SLC36A1: variants seen among roughly 807,000 people sequenced by gnomAD.
SLC36A1 encodes solute carrier family 36 member 1.
Under a neutral mutation model 47.5 loss-of-function variants are expected in SLC36A1, and 30 were observed. The observed-to-expected ratio is 0.63, with a 90% CI of 0.47 to 0.86. The LOEUF (loss-of-function observed/expected upper bound fraction) is 0.86, where lower values mean the gene tolerates loss of function less well. Among genes scored for constraint, SLC36A1 ranks in the 40% least tolerant of loss-of-function variants. The probability of loss-of-function intolerance (pLI) is 0.00; values close to 1 mark genes in which losing one functional copy is unlikely to be tolerated. For synonymous variants in SLC36A1, 255 were observed against 249.7 expected (o/e 1.02, Z -0.20); for missense variants, 517 against 606.0 (o/e 0.85, Z 1.54).
rs200439772 is a variant in SLC36A1, at chr5:151,458,867, G to T, written c.75G>T (p.Pro25=). ...SSTDVSPEES[P]SEGLNNLSSP... ...CGGACGTGAGCCCTGAGGAGAGCCC[G>T]TCGGAAGGCCTCAACAACCTCTCCT... The change falls in exon 2 of 11, where the codon CCG becomes CCT. Residue 25 remains proline, a synonymous_variant. Transcript: ENST00000243389. 2.5e-5 allele frequency: 40 copies of T among 1,614,060 alleles called. No individual in the cohort carries two copies. The East Asian group carries it at 8.5e-4, about 34-fold the overall frequency.
upstream of SLC36A1, among the ~76,000 whole-genome samples, chr5:151,443,464 T>C (rs1026705038): frequency 1.9e-4 from 29 of 152,232 alleles, no homozygotes; most frequent in African/African-American, 6.8e-4. Flanking sequence ...CATTTTTATT[T>C]CTTCTTTGGA....
the SLC36A1 span, among the ~76,000 whole-genome samples, chr5:151,407,027 C>T: frequency 6.9e-3 from 1,051 of 151,764 alleles, 11 homozygotes; most frequent in African/African-American, 0.024. Context: ...TTAAAGGTGG[C>T]GCGTCCAGAG....
At chr5:151,530,561 G>T in the SLC36A1 span, among the ~76,000 whole-genome samples, 1 of 152,204 alleles carries the variant, frequency 6.6e-6, no homozygotes, top group Admixed American at 6.5e-5. Context: ...TTAAAATCTT[G>T]CATATCAACC....
At position 151,458,827 on chromosome 5, in the gene SLC36A1, A is replaced by T. The variant is rs776161656; in HGVS notation, c.35A>T (p.His12Leu). ...CAGAGACTTCGGAATGAAGACTACCACGACTACAGCTCCACGGACGTGAGC... is the reference window on the plus strand; with the variant it reads ...CAGAGACTTCGGAATGAAGACTACCTCGACTACAGCTCCACGGACGTGAGC... The part of the protein sequence containing the change: ...STQRLRNEDY[H>L]DYSSTDVSPE... Residue 12 changes from histidine to leucine, a missense_variant, in exon 2 of 11, where the codon CAC becomes CTC. By Grantham distance (99) the His-to-Leu change is moderately conservative (BLOSUM62 -3). Transcript: ENST00000243389. 1 of 1,614,086 alleles carries T rather than the reference A, an allele frequency of 6.2e-7. No individual in the cohort carries two copies. The highest frequency in any genetic ancestry group is 8.5e-7 in the Non-Finnish European group (1 of 1,179,976).
the SLC36A1 span, among the ~76,000 whole-genome samples, chr5:151,417,525 C>G: frequency 6.6e-6 from 1 of 152,118 alleles, no homozygotes; most frequent in Non-Finnish European, 1.5e-5. Flanking sequence ...CATTTTGCCC[C>G]CAACCTAGAG....
rs576564293 is a variant in SLC36A1 at position 151,480,140 on chromosome 5, T to C, written c.1159+651T>C. The C allele has an allele frequency of 4.3e-5, 61 of 1,421,300 alleles. No homozygotes were observed. In the African/African-American group the frequency reaches 7.5e-4, roughly 18 times the overall value. 88.0% of individuals were successfully genotyped at this position (1,421,300 alleles called of 1,614,324 possible). ...TTTAGAAAATAAAAGTAAATTTTTT[T>C]TGTAGCTTCTGTGAGTTGGTAGACT... On this transcript the variant is annotated intron_variant, in intron 10 of 10. Coordinates refer to ENST00000243389, the MANE Select transcript of SLC36A1 (RefSeq NM_078483.4).
At chr5:151,526,217 C>T in the SLC36A1 span, among the ~76,000 whole-genome samples, 1 of 152,106 alleles carries the variant, frequency 6.6e-6, no homozygotes, top group African/African-American at 2.4e-5. Flanking sequence ...CAGGAAGGAT[C>T]CTTAGAGAAC....
chr5:151,531,854 G>T, the SLC36A1 span: 1 of 1,614,140 alleles, frequency 6.2e-7, no homozygotes, highest in Non-Finnish European at 8.5e-7. This position sits in a 1 kb window ranked among gnomAD's most constrained non-coding sequence, Gnocchi z 5.7. Flanking sequence ...AGCTCCAGTG[G>T]TGCCTGGGGC....
chr5:151,477,857 T>A (rs961424844), intron 9 of SLC36A1, among the ~76,000 whole-genome samples: 1 of 152,188 alleles, frequency 6.6e-6, no homozygotes, highest in Non-Finnish European at 1.5e-5. Flanking sequence ...GCAGCCCACA[T>A]GATCCGAAGC....
chr5:151,431,177 C>T, the SLC36A1 span: 1 of 152,148 alleles, frequency 6.6e-6, no homozygotes, highest in African/African-American at 2.4e-5. Flanking sequence ...TACAGGAGAG[C>T]ACAGATTTAG....
At chr5:151,487,598 T>C (rs1759743380) in intron 10 of SLC36A1, among the ~76,000 whole-genome samples, 1 of 152,204 alleles carries the variant, frequency 6.6e-6, no homozygotes, top group Admixed American at 6.5e-5. Flanking sequence ...GGTAAGAAAA[T>C]GAGCAGCTGC....
the SLC36A1 span, among the ~76,000 whole-genome samples, chr5:151,348,557 C>G: frequency 2.0e-5 from 3 of 152,264 alleles, no homozygotes; most frequent in Admixed American, 1.3e-4. Context: ...TTTGTCAGGC[C>G]CCTCCCTTAC....
At chr5:151,382,242 A>T in the SLC36A1 span, 1 of 1,328,470 alleles carries the variant, frequency 7.5e-7, no homozygotes, top group South Asian at 1.2e-5. Context: ...ACTCATCGAG[A>T]CTCACTACCA....
chr5:151,413,352 TATG>T, the SLC36A1 span, among the ~76,000 whole-genome samples: 1,327 of 152,146 alleles, frequency 8.7e-3, 12 homozygotes, highest in Admixed American at 0.012. Context: ...TTGTATTGTT[TATG>T]ATATCAATAA....
At chr5:151,386,345 A>G in the SLC36A1 span, among the ~76,000 whole-genome samples, 1 of 151,950 alleles carries the variant, frequency 6.6e-6, no homozygotes, top group Non-Finnish European at 1.5e-5. Flanking sequence ...ACAAACTTTA[A>G]TTTGAACTTA....
the SLC36A1 span, chr5:151,504,736 T>C: frequency 1.3e-5 from 2 of 152,658 alleles, no homozygotes; most frequent in Non-Finnish European, 2.9e-5. Context: ...CAAAAGTGCC[T>C]GGGAAACTTG....
At chr5:151,554,506 C>T in the SLC36A1 span, 2 of 1,614,198 alleles carry the variant, frequency 1.2e-6, no homozygotes, top group Non-Finnish European at 1.7e-6. Flanking sequence ...GGTCTGAAGC[C>T]ACCAGCCTGT....
chr5:151,516,480 C>T, the SLC36A1 span, among the ~76,000 whole-genome samples: 1 of 152,196 alleles, frequency 6.6e-6, no homozygotes, highest in Admixed American at 6.5e-5. Context: ...CATGCCACTG[C>T]CCTCCAGCCT....
chr5:151,462,411 C>T (rs12652584), intron 2 of SLC36A1, among the ~76,000 whole-genome samples: 17,600 of 151,560 alleles, frequency 0.12, 1,493 homozygotes, highest in East Asian at 0.39. Context: ...GTCACCCAGG[C>T]TGGAGTGCAG....
Sources: allele counts gnomAD v4.1 joint callset (sites outside exome capture counted in the v4.1 genomes callset), GRCh38; gene constraint gnomAD v4.1.1; non-coding constraint Gnocchi (gnomAD v3.1); transcripts MANE v1.5; gene names NCBI Gene and HGNC (gene_info 2026-07-23, HGNC 2026-07-21).